ISM1: variants seen among roughly 807,000 people sequenced by gnomAD.
The protein encoded by ISM1 is isthmin 1.
In ISM1, 25 loss-of-function variants were observed where a neutral mutation model predicts 46.3. The ratio of observed to expected loss-of-function variants is 0.54; its 90% CI spans 0.39 to 0.75. The LOEUF is 0.75. Among genes scored for constraint, ISM1 ranks in the 30% least tolerant of loss-of-function variants. The pLI, the probability that ISM1 is intolerant of heterozygous loss-of-function variation, is 0.00. For synonymous variants in ISM1, 255 were observed against 256.7 expected (o/e 0.99, Z 0.06); for missense variants, 536 against 625.4 (o/e 0.86, Z 1.52).
intron 3 of ISM1, among the ~76,000 whole-genome samples, chr20:13,286,987 G>C (rs2040300697): frequency 2.0e-5 from 3 of 152,236 alleles, no homozygotes; most frequent in Admixed American, 6.5e-5. Flanking sequence ...ACTGCAGAAA[G>C]AATCACGCTT....
the ISM1 span, among the ~76,000 whole-genome samples, chr20:13,320,783 T>C: frequency 1.3e-5 from 2 of 152,012 alleles, no homozygotes; most frequent in African/African-American, 2.4e-5. Context: ...TTATTTCAGC[T>C]AGCAAAAAAA....
chr20:13,238,693 C>T (rs887775650), intron 1 of ISM1, among the ~76,000 whole-genome samples: 1 of 152,160 alleles, frequency 6.6e-6, no homozygotes, highest in East Asian at 1.9e-4. Flanking sequence ...ATGTTTTTGG[C>T]TTCACATGGA....
chr20:13,268,239 TCTC>T (rs1304892012), intron 1 of ISM1, among the ~76,000 whole-genome samples: 1 of 151,376 alleles, frequency 6.6e-6, no homozygotes, highest in East Asian at 1.9e-4. Context: ...TTCTATTCTT[TCTC>T]TTCTCTTCAC....
intron 4 of ISM1, among the ~76,000 whole-genome samples, chr20:13,290,868 G>A (rs192012313): frequency 7.3e-4 from 111 of 152,314 alleles, no homozygotes; most frequent in African/African-American, 2.5e-3. Flanking sequence ...GAGGCATAGA[G>A]GATTAACTTG....
chr20:13,234,169 G>A (rs746677939), intron 1 of ISM1, among the ~76,000 whole-genome samples: 3 of 152,052 alleles, frequency 2.0e-5, no homozygotes, highest in Non-Finnish European at 2.9e-5. Flanking sequence ...TTGTATGTCC[G>A]TGTATGCCCA....
chr20:13,299,429 C>T lies in ISM1; in HGVS notation c.1365C>T (p.Ile455=), dbSNP rs1209000587. The T allele has an allele frequency of 6.2e-7, 1 of 1,606,484 alleles. No individual in the cohort carries two copies. The highest frequency in any genetic ancestry group is 1.7e-5 in the Admixed American group (1 of 59,994). The change falls in exon 6 of 6, where the codon ATC becomes ATT. Residue 455 remains isoleucine (I), a synonymous_variant. Transcript: ENST00000262487. This position sits in a 1 kb window ranked among gnomAD's most constrained non-coding sequence, Gnocchi z 5.8. ...CTESPSDEDY[I]KQFQEAREY ...AGAGCCCCTCGGACGAGGACTACAT[C>T]AAGCAGTTCCAAGAGGCCAGGGAAT... is the stretch of plus-strand genomic sequence containing the variant.
intron 3 of ISM1, among the ~76,000 whole-genome samples, chr20:13,285,013 A>C (rs1392356592): frequency 2.0e-5 from 3 of 152,210 alleles, no homozygotes; most frequent in African/African-American, 7.2e-5. Flanking sequence ...CAGGCCAGGC[A>C]TGGTGACGTA....
chr20:13,261,928 C>T (rs927222514), intron 1 of ISM1, among the ~76,000 whole-genome samples: 1 of 152,198 alleles, frequency 6.6e-6, no homozygotes, highest in Admixed American at 6.5e-5. Flanking sequence ...GGCCTTATAT[C>T]CCCTCATTCT....
intron 1 of ISM1, among the ~76,000 whole-genome samples, chr20:13,234,288 A>G (rs1298915523): frequency 6.6e-6 from 1 of 152,192 alleles, no homozygotes; most frequent in Non-Finnish European, 1.5e-5. Flanking sequence ...TGCGAGAGAC[A>G]TGACTTCATT....
At chr20:13,246,397 G>A (rs765816827) in intron 1 of ISM1, among the ~76,000 whole-genome samples, 1 of 152,106 alleles carries the variant, frequency 6.6e-6, no homozygotes. Flanking sequence ...CTATCTGTGG[G>A]TACGAAGCAT....
At chr20:13,252,723 T>C (rs1258887683) in intron 1 of ISM1, among the ~76,000 whole-genome samples, 1 of 151,632 alleles carries the variant, frequency 6.6e-6, no homozygotes, top group Non-Finnish European at 1.5e-5. Flanking sequence ...CCACTTGCAC[T>C]CCAGCTTGGG....
chr20:13,317,885 A>G, the ISM1 span, among the ~76,000 whole-genome samples: 27 of 151,176 alleles, frequency 1.8e-4, no homozygotes, highest in Non-Finnish European at 3.7e-4. Context: ...TGTGTTAGGC[A>G]ATGACTTTTT....
At chr20:13,297,849 C>G (rs1033072871) in intron 5 of ISM1, among the ~76,000 whole-genome samples, 13 of 152,148 alleles carry the variant, frequency 8.5e-5, no homozygotes, top group Non-Finnish European at 1.9e-4. Context: ...GATTTTGACC[C>G]AGGCCTACAG....
intron 1 of ISM1, among the ~76,000 whole-genome samples, chr20:13,226,436 A>G (rs2039525934): frequency 6.6e-6 from 1 of 152,092 alleles, no homozygotes; most frequent in Non-Finnish European, 1.5e-5. Flanking sequence ...AATGATTGAC[A>G]ATTGTTTCAC....
At chr20:13,228,257 G>A (rs780142454) in intron 1 of ISM1, among the ~76,000 whole-genome samples, 1 of 151,980 alleles carries the variant, frequency 6.6e-6, no homozygotes, top group Non-Finnish European at 1.5e-5. Context: ...ACAGGTGTGA[G>A]CCACTGTGCC....
At chr20:13,255,040 G>C (rs1200630335) in intron 1 of ISM1, among the ~76,000 whole-genome samples, 1 of 152,182 alleles carries the variant, frequency 6.6e-6, no homozygotes, top group African/African-American at 2.4e-5. Context: ...CCTGGTAGGG[G>C]CCACAACACA....
Position 13,279,683 on chromosome 20 carries a change from A to G in ISM1, c.428A>G (p.Gln143Arg), listed in dbSNP as rs759922448. 8 of 1,613,920 alleles carry G rather than the reference A, an allele frequency of 5.0e-6. No homozygotes were observed. In the Admixed American group the frequency reaches 1.2e-4, roughly 24 times the overall value. Reference protein sequence around the residue: ...DGPDSEADKDQHPENKPSWSV... With the variant: ...DGPDSEADKDRHPENKPSWSV... ...CCTGACTCTGAAGCAGATAAAGATC[A>G]GCATCCGGAGAATAAGCCCAGCTGG... The change falls in exon 3 of 6, where the codon CAG becomes CGG. Residue 143 changes from glutamine (Q) to arginine (R), a missense_variant. Transcript: ENST00000262487.
chr20:13,290,376 G>A (rs1430435517), intron 4 of ISM1, among the ~76,000 whole-genome samples: 1 of 152,214 alleles, frequency 6.6e-6, no homozygotes, highest in Non-Finnish European at 1.5e-5. Context: ...ATTGCCTGGT[G>A]CGGTGGCTCA....
chr20:13,313,493 T>C, the ISM1 span, among the ~76,000 whole-genome samples: 1 of 152,202 alleles, frequency 6.6e-6, no homozygotes, highest in African/African-American at 2.4e-5. Flanking sequence ...TTCCATTTTC[T>C]GTACAACACT....
Sources: allele counts gnomAD v4.1 joint callset (sites outside exome capture counted in the v4.1 genomes callset), GRCh38; gene constraint gnomAD v4.1.1; non-coding constraint Gnocchi (gnomAD v3.1); transcripts MANE v1.5; gene names NCBI Gene and HGNC (gene_info 2026-07-23, HGNC 2026-07-21).